Variants in PRTG observed in about 807,000 individuals in gnomAD.
The protein encoded by PRTG is protogenin, also known as immunoglobulin superfamily, DCC subclass, member 5.
Under a neutral mutation model 122.5 loss-of-function variants are expected in PRTG, and 67 were observed. The ratio of observed to expected loss-of-function variants is 0.55; its 90% CI spans 0.45 to 0.67. The LOEUF is 0.67. PRTG is among the 30% of genes least tolerant of loss of function. The pLI is 0.00. For missense variants in PRTG, 1,435 were observed against 1,415.4 expected, an observed-to-expected ratio of 1.01 and a Z score of -0.22; for synonymous variants, 554 against 501.1, an observed-to-expected ratio of 1.11 and a Z score of -1.41.
chr15:55,698,334 A>C (rs1384528953), intron 2 of PRTG, among the ~76,000 whole-genome samples: 2 of 152,128 alleles, frequency 1.3e-5, no homozygotes, highest in African/African-American at 4.8e-5. Context: ...TCTGTCACCC[A>C]GGCTGGAGTG....
intron 18 of PRTG, among the ~76,000 whole-genome samples, chr15:55,621,341 G>T (rs1260150900): frequency 7.1e-6 from 1 of 140,440 alleles, no homozygotes; most frequent in Non-Finnish European, 1.6e-5. Flanking sequence ...ACAGAGCAAG[G>T]CTCCGTCTCA....
At chr15:55,698,555 T>A (rs551450434) in intron 2 of PRTG, among the ~76,000 whole-genome samples, 6 of 152,254 alleles carry the variant, frequency 3.9e-5, no homozygotes, top group African/African-American at 1.4e-4. Flanking sequence ...CCTCCCAAAG[T>A]GCTGGGATTA....
chr15:55,618,883 C>T lies in PRTG; in HGVS notation c.*1129G>A, dbSNP rs1399257303. The T allele has an allele frequency of 2.6e-5, 4 of 152,080 alleles. No homozygotes were observed. The South Asian group carries it at 8.3e-4, about 31-fold the overall frequency. The allele number at this position is 152,080 out of a possible 1,614,324, so 9.4% of individuals were successfully genotyped here. ...CAAAGAATTTCATTATACTGAAAGGCACTGTTACCATAATAACTTCGAGTT... is the reference window on the plus strand; with the variant it reads ...CAAAGAATTTCATTATACTGAAAGGTACTGTTACCATAATAACTTCGAGTT... On this transcript the variant is annotated 3_prime_UTR_variant, in exon 20 of 20. Coordinates refer to ENST00000389286, the MANE Select transcript of PRTG (RefSeq NM_173814.6).
chr15:55,653,436 A>T (rs1370738084), intron 11 of PRTG, among the ~76,000 whole-genome samples: 1 of 151,980 alleles, frequency 6.6e-6, no homozygotes, highest in African/African-American at 2.4e-5. Context: ...TTCCTACCAA[A>T]ATAAGTATAT....
At chr15:55,702,947 G>A (rs994369832) in intron 2 of PRTG, 3 of 984,274 alleles carry the variant, frequency 3.0e-6, no homozygotes, top group Non-Finnish European at 3.6e-6. Context: ...CAGTTCCGGG[G>A]TCCCCTGACA....
At chr15:55,740,110 G>C (rs1396140152) in intron 2 of PRTG, among the ~76,000 whole-genome samples, 1 of 152,044 alleles carries the variant, frequency 6.6e-6, no homozygotes, top group Non-Finnish European at 1.5e-5. Context: ...TTCATACTTC[G>C]TGAAATGCTT....
intron 11 of PRTG, among the ~76,000 whole-genome samples, chr15:55,667,690 G>C (rs558329703): frequency 1.3e-5 from 2 of 152,228 alleles, no homozygotes; most frequent in South Asian, 4.1e-4. Context: ...TCACACTTTC[G>C]TCAGTTAGTT....
At chr15:55,708,873 A>C (rs1324157229) in intron 2 of PRTG, among the ~76,000 whole-genome samples, 2 of 151,972 alleles carry the variant, frequency 1.3e-5, no homozygotes, top group Non-Finnish European at 2.9e-5. Flanking sequence ...GGCCGGGTGC[A>C]GTGACTCATG....
At chr15:55,714,067 T>G (rs561437483) in intron 2 of PRTG, among the ~76,000 whole-genome samples, 1 of 152,362 alleles carries the variant, frequency 6.6e-6, no homozygotes, top group East Asian at 1.9e-4. Context: ...TCTCTCATTT[T>G]CAAGCTAGGT....
At chr15:55,641,081 T>C (rs906491908) in intron 12 of PRTG, 32 bp downstream of exon 12, 12 of 1,436,460 alleles carry the variant, frequency 8.4e-6, no homozygotes, top group Non-Finnish European at 1.2e-5. Flanking sequence ...GTGTGAGCCA[T>C]AGTAAAACAA....
At chr15:55,668,776 T>C (rs971779802) in intron 11 of PRTG, among the ~76,000 whole-genome samples, 12 of 152,192 alleles carry the variant, frequency 7.9e-5, no homozygotes, top group African/African-American at 2.9e-4. Context: ...CCAATATTTA[T>C]ACTATGAAAG....
At chr15:55,672,375 T>G in intron 11 of PRTG, 70 bp downstream of exon 11, 4 of 1,233,540 alleles carry the variant, frequency 3.2e-6, no homozygotes, top group Non-Finnish European at 4.6e-6. Context: ...CTGCTTTAGA[T>G]CCAATAACTT....
At chr15:55,622,844 T>G (rs2059174514) in intron 18 of PRTG, among the ~76,000 whole-genome samples, 1 of 152,204 alleles carries the variant, frequency 6.6e-6, no homozygotes, top group Admixed American at 6.5e-5. Flanking sequence ...CCTGTATCAG[T>G]ACTTTTTAAG....
chr15:55,649,906 G>A (rs193126758), intron 11 of PRTG, among the ~76,000 whole-genome samples: 5 of 152,272 alleles, frequency 3.3e-5, no homozygotes, highest in Admixed American at 2.0e-4. Context: ...GCAGGGTGGT[G>A]TAGTAATTGA....
At position 55,680,070 on chromosome 15, in the gene PRTG, T is replaced by A; in HGVS notation, c.957A>T (p.Ala319=). The change falls in exon 6 of 20, where the codon GCA becomes GCT. Residue 319 remains alanine, a synonymous_variant. Coordinates refer to ENST00000389286, the MANE Select transcript of PRTG (RefSeq NM_173814.6). The part of the protein sequence containing the change: ...PGTRNFTVAM[A]TLTVLAPPSF... ...GGAACATACCTAATACAGTTAAAGT[T>A]GCCATAGCAACTGTAAAGTTGCGTG... is the stretch of plus-strand genomic sequence containing the variant. 6.2e-7 allele frequency: 1 copy of A among 1,613,662 alleles called. No individual in the cohort carries two copies. Among genetic ancestry groups the A allele is most frequent in the Non-Finnish European group, 8.5e-7 (1 of 1,179,710 alleles).
chr15:55,703,248 ACT>A (rs1344903372), intron 2 of PRTG, among the ~76,000 whole-genome samples: 2 of 152,256 alleles, frequency 1.3e-5, no homozygotes, highest in Admixed American at 1.3e-4. Context: ...TCTATGCCAC[ACT>A]GATATTTCTA....
In PRTG at chr15:55,673,579, T is replaced by C. The variant is rs2059485753; in HGVS notation, c.1644A>G (p.Gln548=). ...GGAAAGACAAGCGATACAGCACCAC[T>C]TGGCCCCGCCGATATTTGGCTGGGA... ...LPIPAKYRRG[Q]VVLYRLSFRL... is the part of the protein sequence containing the mutation. The change falls in exon 10 of 20, where the codon CAA becomes CAG. Residue 548 remains glutamine (Q), a synonymous_variant. Coordinates refer to ENST00000389286, the MANE Select transcript of PRTG (RefSeq NM_173814.6). The C allele has an allele frequency of 6.2e-7, 1 of 1,614,214 alleles. No individual in the cohort carries two copies. Among genetic ancestry groups the C allele is most frequent in the Non-Finnish European group, 8.5e-7 (1 of 1,180,036 alleles).
Position 55,637,150 on chromosome 15 carries a change from T to G in PRTG, c.2623+20A>C. On this transcript the variant is annotated intron_variant, in intron 15 of 19. Coordinates refer to ENST00000389286, the MANE Select transcript of PRTG (RefSeq NM_173814.6). Reference sequence around the variant, plus strand: ...TAATAATCGTACTTTTCACCCTTCATGGCAATTTATGATATTTACCTTCAC... The same window carrying G: ...TAATAATCGTACTTTTCACCCTTCAGGGCAATTTATGATATTTACCTTCAC... 6.7e-7 allele frequency: 1 copy of G among 1,483,352 alleles called. No individual in the cohort carries two copies. Among genetic ancestry groups the G allele is most frequent in the Non-Finnish European group, 9.0e-7 (1 of 1,109,634 alleles). The allele number at this position is 1,483,352 out of a possible 1,614,324, so 91.9% of individuals were successfully genotyped here.
chr15:55,726,013 G>A (rs769632584), intron 2 of PRTG, among the ~76,000 whole-genome samples: 7 of 151,718 alleles, frequency 4.6e-5, no homozygotes, highest in Non-Finnish European at 8.8e-5. Context: ...GCGTGATCTC[G>A]GCTCACTGCA....
Sources: allele counts gnomAD v4.1 joint callset (sites outside exome capture counted in the v4.1 genomes callset), GRCh38; gene constraint gnomAD v4.1.1; transcripts MANE v1.5; gene names NCBI Gene and HGNC (gene_info 2026-07-23, HGNC 2026-07-21).